The following TTC3 variants were observed in gnomAD, a reference collection of about 807,000 sequenced individuals.
TTC3 encodes tetratricopeptide repeat domain 3.
A neutral mutation model predicts 249.6 loss-of-function variants in TTC3; 180 were observed. That is an observed-to-expected ratio of 0.72 (90% CI 0.64 to 0.82). The LOEUF is 0.82. Ranked by LOEUF, TTC3 falls within the 40% of genes least tolerant of loss-of-function variation. The pLI is 0.00. For missense variants in TTC3, 2,061 were observed against 2,398.4 expected (o/e 0.86, Z 2.94); for synonymous variants, 717 against 805.0 (o/e 0.89, Z 1.85).
At position 37,144,430 on chromosome 21, in the gene TTC3, T is replaced by C; in HGVS notation, c.1773-95T>C. ...GCTGTTCAGTGATTCATCAAATGTA[T>C]TCGTCCCAGTAAGCTTGAGATCTTT... On this transcript the variant is annotated intron_variant, in intron 20 of 45. Transcript: ENST00000355666. 3 of 1,397,400 alleles carry C rather than the reference T, an allele frequency of 2.1e-6. No individual in the cohort carries two copies. The Admixed American group carries it at 7.0e-5, about 33-fold the overall frequency. 86.6% of individuals were successfully genotyped at this position (1,397,400 alleles called of 1,614,324 possible). A position where few individuals can be genotyped will look rare whatever the true frequency, so the allele number is the denominator to read the frequency against.
chr21:37,198,770 A>G (rs932065791), intron 44 of TTC3, among the ~76,000 whole-genome samples: 2 of 152,166 alleles, frequency 1.3e-5, no homozygotes, highest in African/African-American at 4.8e-5. Context: ...GAATGCATGG[A>G]TATGTGAATT....
In TTC3 at chr21:37,076,694, ATTTTTTTTT is replaced by A. The variant is rs61629167; in HGVS notation, c.-12+3348_-12+3356del. Among the ~76,000 whole-genome samples, 88 of 95,006 alleles carry A rather than the reference ATTTTTTTTT, an allele frequency of 9.3e-4. No individual in the cohort carries two copies. In the East Asian group the frequency reaches 0.01, roughly 11 times the overall value. The allele number at this position is 95,006 out of a possible 152,430, so 62.3% of individuals were successfully genotyped here. A position where few individuals can be genotyped will look rare whatever the true frequency, so the allele number is the denominator to read the frequency against. On this transcript the variant is annotated intron_variant, in intron 1 of 45. Coordinates refer to ENST00000355666, the Ensembl canonical transcript of TTC3. ...AAACTCCCTTGGGGAAAACAAAGGG[ATTTTTTTTT>A]TTTTTTTTTTTTTTTTTGAGTGAAG...
intron 37 of TTC3, among the ~76,000 whole-genome samples, chr21:37,186,373 A>C (rs2083278289): frequency 6.6e-6 from 1 of 152,182 alleles, no homozygotes; most frequent in Non-Finnish European, 1.5e-5. Flanking sequence ...TGTCCTTGTA[A>C]TATGCGTCAA....
At position 37,172,583 on chromosome 21, in the gene TTC3, A is replaced by T. The variant is rs199855386; in HGVS notation, c.4468-12A>T. 4 of 1,604,860 alleles carry T rather than the reference A, an allele frequency of 2.5e-6. No homozygotes were observed. In the Admixed American group the frequency reaches 6.9e-5, roughly 28 times the overall value. On this transcript the variant is annotated splice_polypyrimidine_tract_variant and intron_variant, in intron 34 of 45. Transcript: ENST00000355666. ...ATGATTTTTAATAGATTGTTTTGTA[A>T]TTCACTTTTAGGGGGAAATTTCACG...
At chr21:37,096,610 G>C (rs752864471) in exon 10 of TTC3, 1 of 1,611,946 alleles carries the variant, frequency 6.2e-7, no homozygotes, top group African/African-American at 1.3e-5. Flanking sequence ...TATGGTAACC[G>C]AGCTCTTTGT....
At chr21:37,165,233 AT>A (rs1196047664) in intron 32 of TTC3, among the ~76,000 whole-genome samples, 1 of 152,086 alleles carries the variant, frequency 6.6e-6, no homozygotes, top group Non-Finnish European at 1.5e-5. Flanking sequence ...TCCTGAATAA[AT>A]TTTTTGTTGT....
intron 19 of TTC3, among the ~76,000 whole-genome samples, chr21:37,140,289 C>T (rs139323448): frequency 4.6e-5 from 7 of 152,236 alleles, no homozygotes; most frequent in African/African-American, 1.2e-4. Flanking sequence ...AGCCAGCACA[C>T]GCCAGGCCCT....
intron 10 of TTC3, among the ~76,000 whole-genome samples, chr21:37,105,827 C>G (rs1416148590): frequency 1.3e-5 from 2 of 152,198 alleles, no homozygotes; most frequent in Admixed American, 6.5e-5. Flanking sequence ...AAGTGTTCAT[C>G]TATTGCATGA....
intron 10 of TTC3, chr21:37,098,430 A>G (rs909358140): frequency 1.3e-5 from 2 of 152,916 alleles, no homozygotes; most frequent in Admixed American, 1.3e-4. Flanking sequence ...CTGCAACAGG[A>G]GGTGAATCAG....
chr21:37,147,337 G>A (rs1335599476), intron 21 of TTC3, 144 bp from the exon 22 acceptor site: 5 of 681,996 alleles, frequency 7.3e-6, no homozygotes, highest in Non-Finnish European at 1.1e-5. Context: ...AACTTTAAAA[G>A]TTGTATGTAG....
At position 37,147,611 on chromosome 21, in the gene TTC3, A is replaced by G. The variant is rs200853353; in HGVS notation, c.2016+8A>G. Reference sequence around the variant, plus strand: ...ACTGATCCAGACTTTAAGGTAAATAATGAGTGTACAGTGGGACATTAACTT... The same window carrying G: ...ACTGATCCAGACTTTAAGGTAAATAGTGAGTGTACAGTGGGACATTAACTT... On this transcript the variant is annotated splice_region_variant and intron_variant, in intron 22 of 45. Coordinates refer to ENST00000355666, the Ensembl canonical transcript of TTC3. 2.5e-6 allele frequency: 4 copies of G among 1,597,954 alleles called. No individual in the cohort carries two copies. Among genetic ancestry groups the G allele is most frequent in the Non-Finnish European group, 3.4e-6 (4 of 1,175,042 alleles).
At chr21:37,074,743 A>G (rs79768553) in intron 1 of TTC3, among the ~76,000 whole-genome samples, 1 of 152,248 alleles carries the variant, frequency 6.6e-6, no homozygotes, top group African/African-American at 2.4e-5. Flanking sequence ...CAAACCCCTT[A>G]GAGACCCAGC....
chr21:37,077,346 A>G (rs759847553), intron 1 of TTC3, among the ~76,000 whole-genome samples: 4 of 152,168 alleles, frequency 2.6e-5, no homozygotes, highest in Non-Finnish European at 5.9e-5. Context: ...TTGAAATACC[A>G]CCATGTTAAT....
intron 38 of TTC3, 35 bp from the exon 39 acceptor site, chr21:37,188,460 G>T (rs1272597107): frequency 6.5e-7 from 1 of 1,540,382 alleles, no homozygotes; most frequent in Non-Finnish European, 8.9e-7. Flanking sequence ...GCTGTCATTT[G>T]TAAAATACTC....
At chr21:37,153,044 A>G (rs766736162) in exon 27 of TTC3, 6 of 1,613,922 alleles carry the variant, frequency 3.7e-6, no homozygotes, top group Admixed American at 3.3e-5. Context: ...TCCGGCATAC[A>G]GAATACAGCC....
intron 24 of TTC3, 57 bp from the exon 25 acceptor site, chr21:37,150,763 G>C: frequency 8.9e-7 from 1 of 1,120,138 alleles, no homozygotes; most frequent in Non-Finnish European, 1.4e-6. Flanking sequence ...TTGTGGTTTT[G>C]TGTTTTATGT....
At chr21:37,142,327 G>A (rs1251557379) in intron 20 of TTC3, among the ~76,000 whole-genome samples, 1 of 152,188 alleles carries the variant, frequency 6.6e-6, no homozygotes, top group African/African-American at 2.4e-5. Context: ...GTTTGCAGAT[G>A]ACATGATTGT....
intron 35 of TTC3, among the ~76,000 whole-genome samples, chr21:37,175,975 T>G (rs1476481862): frequency 2.0e-5 from 3 of 152,078 alleles, no homozygotes; most frequent in Non-Finnish European, 4.4e-5. Context: ...GTCGCCATGT[T>G]GGCCAGGCTA....
chr21:37,156,541 T>G (rs910874070), intron 27 of TTC3, 114 bp from the exon 28 acceptor site: 17 of 1,317,364 alleles, frequency 1.3e-5, no homozygotes, highest in Non-Finnish European at 1.8e-5. Context: ...TAAATGTTTT[T>G]GCTGAGAATA....
Sources: allele counts gnomAD v4.1 joint callset (sites outside exome capture counted in the v4.1 genomes callset), GRCh38; gene constraint gnomAD v4.1.1; transcripts MANE v1.5; gene names NCBI Gene and HGNC (gene_info 2026-07-23, HGNC 2026-07-21).